PCDH7: variants seen among roughly 807,000 people sequenced by gnomAD.
The protein encoded by PCDH7 is protocadherin-7.
PCDH7 carries 17 observed loss-of-function variants against 58.9 expected under a neutral mutation model. The observed-to-expected ratio is 0.29, with a 90% CI of 0.20 to 0.43. The LOEUF is 0.43. PCDH7 is among the 20% of genes least tolerant of loss of function. The pLI is 1.00. For synonymous variants in PCDH7, 664 were observed against 616.4 expected (o/e 1.08, Z -1.14); for missense variants, 1,274 against 1,441.0 (o/e 0.88, Z 1.88).
At chr4:31,146,464 G>T (rs1720681076), downstream of PCDH7, 1 of 152,032 alleles carries the variant, frequency 6.6e-6, no homozygotes, top group Non-Finnish European at 1.5e-5. Context: ...ACATCTGGAG[G>T]AAGCATCATT....
chr4:30,937,028 A>C (rs2109432063), intron 2 of PCDH7, among the ~76,000 whole-genome samples: 1 of 117,934 alleles, frequency 8.5e-6, no homozygotes, highest in South Asian at 3.0e-4. Flanking sequence ...AGGATGCTTA[A>C]CTCAATGGGA....
At chr4:31,072,471 C>A (rs1758629214) in intron 3 of PCDH7, among the ~76,000 whole-genome samples, 1 of 151,886 alleles carries the variant, frequency 6.6e-6, no homozygotes, top group Non-Finnish European at 1.5e-5. Context: ...GAGGCATTGA[C>A]AATGTGAGCA....
rs755857758 is a variant in PCDH7 at position 30,721,854 on chromosome 4, G to T, written c.432G>T (p.Pro144=). 8 of 1,606,408 alleles carry T rather than the reference G, an allele frequency of 5.0e-6. No individual in the cohort carries two copies. The highest frequency in any genetic ancestry group is 5.9e-6 in the Non-Finnish European group (7 of 1,176,896). ...TCAACGACAACACGCCCACCTTCCC[G>T]TCGCCCGTGCTCACGCTCACGGTGG... is the stretch of plus-strand genomic sequence containing the variant. The change falls in exon 1 of 2, where the codon CCG becomes CCT. Residue 144 remains proline (P), a synonymous_variant. Coordinates refer to ENST00000361762, the Ensembl canonical transcript of PCDH7. This position sits in a 1 kb window ranked among gnomAD's most constrained non-coding sequence, Gnocchi z 6.7.
At chr4:30,725,482 A>G in intron 1 of PCDH7, 1 of 188,060 alleles carries the variant, frequency 5.3e-6, no homozygotes, top group Non-Finnish European at 9.9e-6. Context: ...ACAGTAAAAA[A>G]TACATATATT....
At chr4:30,989,649 A>G (rs1016541096) in intron 3 of PCDH7, among the ~76,000 whole-genome samples, 1 of 152,172 alleles carries the variant, frequency 6.6e-6, no homozygotes, top group Non-Finnish European at 1.5e-5. Flanking sequence ...ACTTTTAGGC[A>G]ATGTTTTGGA....
chr4:30,984,764 T>A (rs1203289241), intron 3 of PCDH7, among the ~76,000 whole-genome samples: 1 of 152,136 alleles, frequency 6.6e-6, no homozygotes, highest in African/African-American at 2.4e-5. Flanking sequence ...ATAAAGGTAA[T>A]TCCAGTAGAA....
chr4:30,852,826 C>T (rs1425704935), intron 1 of PCDH7, among the ~76,000 whole-genome samples: 1 of 72,080 alleles, frequency 1.4e-5, no homozygotes, highest in African/African-American at 7.8e-5. Flanking sequence ...CTATCAAGCA[C>T]AGGAAAAAAA....
chr4:31,014,794 A>G (rs908753709), intron 3 of PCDH7, among the ~76,000 whole-genome samples: 18 of 152,146 alleles, frequency 1.2e-4, no homozygotes, highest in African/African-American at 4.1e-4. Context: ...TTTCTGATAA[A>G]TGTCCCTTTA....
intron 2 of PCDH7, among the ~76,000 whole-genome samples, chr4:30,929,965 A>G (rs1020803954): frequency 2.0e-5 from 3 of 152,236 alleles, no homozygotes; most frequent in Non-Finnish European, 4.4e-5. Context: ...TCCATTGAGT[A>G]AAATTCAATG....
intron 3 of PCDH7, among the ~76,000 whole-genome samples, chr4:31,030,036 A>G (rs1754763666): frequency 6.6e-6 from 1 of 152,152 alleles, no homozygotes; most frequent in Non-Finnish European, 1.5e-5. Context: ...AAAAGACCCA[A>G]TGCAGGGCTA....
Position 30,722,244 on chromosome 4 carries a change from C to T in PCDH7, c.822C>T (p.Tyr274=). The T allele has an allele frequency of 2.5e-6, 4 of 1,595,408 alleles. No individual in the cohort carries two copies. The highest frequency in any genetic ancestry group is 2.6e-6 in the Non-Finnish European group (3 of 1,172,056). ...TGGACCGCGAGCAGCGCGACTCCTA[C>T]GAGCTGACCCTGCGAGTGCGCGACG... The change falls in exon 1 of 2, where the codon TAC becomes TAT. Residue 274 remains tyrosine (Y), a synonymous_variant. Coordinates refer to ENST00000361762, the Ensembl canonical transcript of PCDH7. This position sits in a 1 kb window ranked among gnomAD's most constrained non-coding sequence, Gnocchi z 7.6.
intron 3 of PCDH7, among the ~76,000 whole-genome samples, chr4:30,962,623 C>A (rs1261840611): frequency 6.6e-6 from 1 of 151,414 alleles, no homozygotes; most frequent in Non-Finnish European, 1.5e-5. Context: ...TCCATCTCTA[C>A]AAAAAATTAA....
chr4:31,007,964 A>G (rs1026480807), intron 3 of PCDH7, among the ~76,000 whole-genome samples: 7 of 152,094 alleles, frequency 4.6e-5, no homozygotes, highest in African/African-American at 1.7e-4. Flanking sequence ...TGTTACAACT[A>G]TTGCACACCA....
intron 3 of PCDH7, among the ~76,000 whole-genome samples, chr4:31,079,888 A>G (rs142354092): frequency 2.0e-5 from 3 of 152,290 alleles, no homozygotes; most frequent in East Asian, 3.9e-4. Flanking sequence ...TATGGAACCC[A>G]GTGGAAGGAA....
chr4:31,127,721 G>T (rs1314775286), intron 3 of PCDH7, among the ~76,000 whole-genome samples: 1 of 151,972 alleles, frequency 6.6e-6, no homozygotes, highest in Non-Finnish European at 1.5e-5. Context: ...TGAGTTATCT[G>T]AATTATTTTT....
intron 1 of PCDH7, among the ~76,000 whole-genome samples, chr4:30,757,945 C>T (rs370895947): frequency 1.1e-4 from 17 of 151,754 alleles, no homozygotes; most frequent in African/African-American, 2.9e-4. Flanking sequence ...GGTGTTAGGA[C>T]GGGAAAGAAC....
In PCDH7 at chr4:31,017,067, C is replaced by T. The variant is rs151274091; in HGVS notation, c.*7+66852C>T. ...AAGATTTATTTAATTTGTGTGAAAA[C>T]CCATTTAAGAGAAGCGTTAGCAATG... On this transcript the variant is annotated intron_variant, in intron 3 of 3. Transcript: ENST00000509759. Among the ~76,000 whole-genome samples the T allele has an allele frequency of 2.6e-4, 39 of 152,116 alleles. No individual in the cohort carries two copies. The East Asian group carries it at 7.4e-3, about 29-fold the overall frequency.
intron 1 of PCDH7, among the ~76,000 whole-genome samples, chr4:30,864,906 A>G (rs1217353245): frequency 6.6e-6 from 1 of 152,144 alleles, no homozygotes; most frequent in Non-Finnish European, 1.5e-5. Flanking sequence ...CTTCAAGAGC[A>G]ACATCAATGA....
At chr4:30,765,989 C>T (rs1418279320) in intron 1 of PCDH7, among the ~76,000 whole-genome samples, 1 of 151,954 alleles carries the variant, frequency 6.6e-6, no homozygotes, top group Non-Finnish European at 1.5e-5. Context: ...GCCAAATTCC[C>T]TTAAGACGGA....
Sources: allele counts gnomAD v4.1 joint callset (sites outside exome capture counted in the v4.1 genomes callset), GRCh38; gene constraint gnomAD v4.1.1; non-coding constraint Gnocchi (gnomAD v3.1); transcripts MANE v1.5; gene names NCBI Gene and HGNC (gene_info 2026-07-23, HGNC 2026-07-21).